The following DYNC1H1 variants were observed in gnomAD, a reference collection of about 807,000 sequenced individuals.
DYNC1H1 encodes dynein cytoplasmic 1 heavy chain 1.
In DYNC1H1, 51 loss-of-function variants were observed where a neutral mutation model predicts 527.1. That is an observed-to-expected ratio of 0.10 (90% CI 0.08 to 0.12). The LOEUF is 0.12. Among genes scored for constraint, DYNC1H1 ranks in the 10% least tolerant of loss-of-function variants. The pLI, the probability that DYNC1H1 is intolerant of heterozygous loss-of-function variation, is 1.00. For synonymous variants in DYNC1H1, 2,189 were observed against 2,278.8 expected, an observed-to-expected ratio of 0.96 and a Z score of 1.12; for missense variants, 2,771 against 5,971.8, an observed-to-expected ratio of 0.46 and a Z score of 17.66.
chr14:102,004,643 A>G lies in DYNC1H1; in HGVS notation c.5009A>G (p.Asn1670Ser), dbSNP rs758191823. 6.2e-6 allele frequency: 10 copies of G among 1,614,014 alleles called. No homozygotes were observed. The highest frequency in any genetic ancestry group is 8.5e-6 in the Non-Finnish European group (10 of 1,180,028). ...GVSSIILNED[N>S]SVVLGISSRE... ...TCGAGCATCATCCTGAACGAGGATA[A>G]CTCTGTTGTTTTGGGTATTTCATCT... is the stretch of plus-strand genomic sequence containing the variant. The change falls in exon 24 of 78, where the codon AAC (asparagine) becomes AGC (serine). Residue 1670 changes from asparagine (N) to serine (S), a missense_variant. By Grantham distance (46) the Asn-to-Ser change is conservative. This residue lies in a region of DYNC1H1 where 105 missense variants were observed against 138.1 expected (regional missense o/e 0.76). Coordinates refer to ENST00000360184, the MANE Select transcript of DYNC1H1 (RefSeq NM_001376.5).
Position 102,049,155 on chromosome 14 carries a change from G to A in DYNC1H1, c.13373-285G>A, listed in dbSNP as rs1378690056. The A allele has an allele frequency of 2.6e-5, 13 of 501,486 alleles. No individual in the cohort carries two copies. The highest frequency in any genetic ancestry group is 6.5e-5 in the Admixed American group (2 of 30,676). The allele number at this position is 501,486 out of a possible 1,614,324, so 31.1% of individuals were successfully genotyped here. A position where few individuals can be genotyped will look rare whatever the true frequency, so the allele number is the denominator to read the frequency against. ...ACTTGTGTGACATGAGGTTTTAGCC[G>A]CGGTTTTGCTTGGATGTGATTATGG... On this transcript the variant is annotated intron_variant, in intron 74 of 77. Transcript: ENST00000360184. The surrounding 1 kb of genome is among the most constrained non-coding windows in gnomAD (Gnocchi z 5.5).
rs540918588 is a variant in DYNC1H1, at chr14:102,029,059, C to T, written c.9469-480C>T. ...AATCCACTCTGAGCTTGTAGGTGTCCTGCTGCCCAGCCCCTGCAGGCCATC... is the reference window on the plus strand; with the variant it reads ...AATCCACTCTGAGCTTGTAGGTGTCTTGCTGCCCAGCCCCTGCAGGCCATC... On this transcript the variant is annotated intron_variant, in intron 48 of 77. Coordinates refer to ENST00000360184, the MANE Select transcript of DYNC1H1 (RefSeq NM_001376.5). This position sits in a 1 kb window ranked among gnomAD's most constrained non-coding sequence, Gnocchi z 5.3. 1.0e-5 allele frequency: 2 copies of T among 199,828 alleles called. No homozygotes were observed. Among genetic ancestry groups the T allele is most frequent in the Non-Finnish European group, 2.1e-5 (2 of 96,518 alleles). The allele number at this position is 199,828 out of a possible 1,614,324, so 12.4% of individuals were successfully genotyped here.
Position 102,049,298 on chromosome 14 carries a change from G to C in DYNC1H1, c.13373-142G>C, listed in dbSNP as rs976257240. The C allele has an allele frequency of 8.1e-7, 1 of 1,235,142 alleles. No individual in the cohort carries two copies. Among genetic ancestry groups the C allele is most frequent in the Non-Finnish European group, 1.1e-6 (1 of 870,022 alleles). The allele number at this position is 1,235,142 out of a possible 1,614,324, so 76.5% of individuals were successfully genotyped here. On this transcript the variant is annotated intron_variant, in intron 74 of 77. Coordinates refer to ENST00000360184, the MANE Select transcript of DYNC1H1 (RefSeq NM_001376.5). This position sits in a 1 kb window ranked among gnomAD's most constrained non-coding sequence, Gnocchi z 5.5. ...GTGAGGGCGGCGCCAGGGGCATAAA[G>C]TGCAGCCTGGGAAAGGCAGTAGGTG...
intron 16 of DYNC1H1, among the ~76,000 whole-genome samples, chr14:101,998,388 G>T (rs1363519862): frequency 6.6e-6 from 1 of 152,048 alleles, no homozygotes; most frequent in Non-Finnish European, 1.5e-5. Context: ...TAATACAAAC[G>T]CCTGGACCCC....
chr14:102,034,116 T>C lies in DYNC1H1; in HGVS notation c.10554T>C (p.Gly3518=), dbSNP rs1451052850. 1 of 1,614,098 alleles carries C rather than the reference T, an allele frequency of 6.2e-7. No homozygotes were observed. Among genetic ancestry groups the C allele is most frequent in the East Asian group, 2.2e-5 (1 of 44,888 alleles). ...CAGCTGCGTTCATTGCCTACGCGGGTTACTTTGACCAGCAGATGCGTCAGA... is the reference window on the plus strand; with the variant it reads ...CAGCTGCGTTCATTGCCTACGCGGGCTACTTTGACCAGCAGATGCGTCAGA... ...LLSAAFIAYA[G]YFDQQMRQNL... The change falls in exon 55 of 78, where the codon GGT becomes GGC. Residue 3518 remains glycine (G), a synonymous_variant. Transcript: ENST00000360184.
intron 69 of DYNC1H1, chr14:102,043,279 G>A (rs1236911849): frequency 1.7e-4 from 25 of 148,298 alleles, no homozygotes; most frequent in Admixed American, 2.0e-4. Flanking sequence ...GCAAGACCCC[G>A]TCTCAAAAAA....
Position 101,991,670 on chromosome 14 carries a change from C to T in DYNC1H1, c.3012C>T (p.Tyr1004=), listed in dbSNP as rs139087346. Residue 1004 remains tyrosine (Y), a synonymous_variant, in exon 11 of 78, where the codon TAC becomes TAT. Transcript: ENST00000360184. The part of the protein sequence containing the change: ...LSLPRIQSQR[Y]QVGVHYELTE... ...TCCCCAGGATCCAGAGTCAGAGGTACCAGGTAAGCCTTTGGTGACTCGAGG... is the reference window on the plus strand; with the variant it reads ...TCCCCAGGATCCAGAGTCAGAGGTATCAGGTAAGCCTTTGGTGACTCGAGG... 3.1e-6 allele frequency: 5 copies of T among 1,614,140 alleles called. No individual in the cohort carries two copies. The East Asian group carries it at 1.1e-4, about 36-fold the overall frequency.
chr14:101,991,641 T>C lies in DYNC1H1; in HGVS notation c.2983T>C (p.Ser995Pro), dbSNP rs1225249612. 6.2e-7 allele frequency: 1 copy of C among 1,614,168 alleles called. No homozygotes were observed. Residue 995 changes from serine (S) to proline (P), a missense_variant, in exon 11 of 78, where the codon TCT becomes CCT. Ser to Pro is a moderately conservative substitution (Grantham distance 74, BLOSUM62 -1). Coordinates refer to ENST00000360184, the MANE Select transcript of DYNC1H1 (RefSeq NM_001376.5). The stretch of plus-strand genomic sequence containing the variant: ...GTTTGCCTGGAAGATGGTTGTACTG[T>C]CTCTCCCCAGGATCCAGAGTCAGAG... ...EMFAWKMVVLSLPRIQSQRYQ... is the reference protein window; with the variant it reads ...EMFAWKMVVLPLPRIQSQRYQ...
At chr14:101,970,220 G>C (rs186034726) in intron 1 of DYNC1H1, among the ~76,000 whole-genome samples, 1 of 152,016 alleles carries the variant, frequency 6.6e-6, no homozygotes, top group African/African-American at 2.4e-5. Flanking sequence ...TGTTACAATG[G>C]AAATCTTCAG....
At position 102,048,706 on chromosome 14, in the gene DYNC1H1, C is replaced by T. The variant is rs753743509; in HGVS notation, c.13372+37C>T. ...GCCGAACTCGTGGTGTGGCTTCCGG[C>T]GGGCACCTTGGCCAGGGGCCACAAC... On this transcript the variant is annotated intron_variant, in intron 74 of 77. Transcript: ENST00000360184. 1.2e-5 allele frequency: 20 copies of T among 1,600,360 alleles called. No individual in the cohort carries two copies. The East Asian group carries it at 2.7e-4, about 22-fold the overall frequency.
intron 34 of DYNC1H1, among the ~76,000 whole-genome samples, chr14:102,013,179 G>A (rs17541116): frequency 2.5e-4 from 37 of 150,690 alleles, no homozygotes; most frequent in African/African-American, 9.1e-4. Flanking sequence ...AACCTGGGAG[G>A]CGGATGTTGC....
chr14:101,967,487 A>T (rs1039896760), intron 1 of DYNC1H1, among the ~76,000 whole-genome samples: 3 of 152,144 alleles, frequency 2.0e-5, no homozygotes, highest in African/African-American at 7.2e-5. Flanking sequence ...AACTATATAT[A>T]TTTTTTATTT....
In DYNC1H1 at chr14:102,007,196, A is replaced by G. The variant is rs1170957892; in HGVS notation, c.5817+88A>G. 3.5e-6 allele frequency: 5 copies of G among 1,410,486 alleles called. No individual in the cohort carries two copies. The African/African-American group carries it at 5.6e-5, about 16-fold the overall frequency. The allele number at this position is 1,410,486 out of a possible 1,614,324, so 87.4% of individuals were successfully genotyped here. A position where few individuals can be genotyped will look rare whatever the true frequency, so the allele number is the denominator to read the frequency against. ...CAAGCTCCGTACCTCTCTCAAAGCC[A>G]TTGGTCTTACAGCTCAGCGTGGTTT... On this transcript the variant is annotated intron_variant, in intron 28 of 77. Transcript: ENST00000360184.
intron 1 of DYNC1H1, among the ~76,000 whole-genome samples, chr14:101,974,350 T>C (rs2047776418): frequency 6.6e-6 from 1 of 152,168 alleles, no homozygotes; most frequent in South Asian, 2.1e-4. Context: ...CCACCTGCCT[T>C]GGCCTCCCAA....
At chr14:102,007,902 C>T (rs1004780555) in intron 28 of DYNC1H1, among the ~76,000 whole-genome samples, 2 of 152,242 alleles carry the variant, frequency 1.3e-5, no homozygotes, top group African/African-American at 4.8e-5. Flanking sequence ...CTGGCTTGCA[C>T]GTGGCTATTT....
At position 101,979,406 on chromosome 14, in the gene DYNC1H1, G is replaced by A. The variant is rs533327200; in HGVS notation, c.432G>A (p.Ser144=). 7.6e-5 allele frequency: 123 copies of A among 1,614,164 alleles called. 4 individuals are homozygous for A. The Middle Eastern group carries it at 6.8e-3, about 89-fold the overall frequency. The change falls in exon 3 of 78, where the codon TCG becomes TCA. Residue 144 remains serine, a synonymous_variant. Transcript: ENST00000360184. This position sits in a 1 kb window ranked among gnomAD's most constrained non-coding sequence, Gnocchi z 4.6. ...GGGTCCTTACACTCAGTGAAGACTC[G>A]CCCTACGAAACTTTGCATTCTTTCA... is the stretch of plus-strand genomic sequence containing the variant. ...QLRVLTLSED[S]PYETLHSFIS...
intron 42 of DYNC1H1, among the ~76,000 whole-genome samples, chr14:102,021,879 T>C (rs1015869298): frequency 9.9e-5 from 15 of 152,164 alleles, no homozygotes; most frequent in African/African-American, 3.6e-4. Flanking sequence ...CAGGCTAGTC[T>C]TGAACTCCTG....
rs1437384050 is a variant in DYNC1H1 at position 101,986,592 on chromosome 14, A to G, written c.2367A>G (p.Glu789=). ...TGATCGAGAGCGTTCGTACCTATGAACGGACCTGCGAGAAGGTGGAGGAGC... is the reference window on the plus strand; with the variant it reads ...TGATCGAGAGCGTTCGTACCTATGAGCGGACCTGCGAGAAGGTGGAGGAGC... ...ISLIESVRTY[E]RTCEKVEERN... Residue 789 remains glutamate (E), a synonymous_variant, in exon 8 of 78, where the codon GAA becomes GAG. Transcript: ENST00000360184. The surrounding 1 kb of genome is among the most constrained non-coding windows in gnomAD (Gnocchi z 8.7). The G allele has an allele frequency of 2.5e-6, 4 of 1,613,498 alleles. No individual in the cohort carries two copies. The South Asian group carries it at 3.3e-5, about 13-fold the overall frequency.
At position 102,029,511 on chromosome 14, in the gene DYNC1H1, G is replaced by A. The variant is rs535486712; in HGVS notation, c.9469-28G>A. On this transcript the variant is annotated intron_variant, in intron 48 of 77. Transcript: ENST00000360184. This position sits in a 1 kb window ranked among gnomAD's most constrained non-coding sequence, Gnocchi z 5.3. ...GTTAAGTCACAGAGTTTCCTGAAGA[G>A]TGAGAAGATGTAACTATTTTCTGAA... 1.7e-5 allele frequency: 28 copies of A among 1,614,038 alleles called. No homozygotes were observed. Among genetic ancestry groups the A allele is most frequent in the South Asian group, 1.3e-4 (12 of 91,052 alleles).
Sources: allele counts gnomAD v4.1 joint callset (sites outside exome capture counted in the v4.1 genomes callset), GRCh38; gene constraint gnomAD v4.1.1; regional missense constraint gnomAD v4.1.1; non-coding constraint Gnocchi (gnomAD v3.1); transcripts MANE v1.5; gene names NCBI Gene and HGNC (gene_info 2026-07-23, HGNC 2026-07-21).